The following FRMD4B variants were observed in gnomAD, a reference collection of about 807,000 sequenced individuals.
FRMD4B encodes the protein FERM domain-containing protein 4B.
Under a neutral mutation model 141.5 loss-of-function variants are expected in FRMD4B, and 74 were observed. The ratio of observed to expected loss-of-function variants is 0.52; its 90% CI spans 0.43 to 0.63. The LOEUF (loss-of-function observed/expected upper bound fraction) is 0.63. FRMD4B is among the 30% of genes least tolerant of loss of function. The probability of loss-of-function intolerance (pLI) is 0.00; values close to 1 mark genes in which losing one functional copy is unlikely to be tolerated. For missense variants in FRMD4B, 1,366 were observed against 1,253.4 expected (o/e 1.09, Z -1.36); for synonymous variants, 506 against 467.9 (o/e 1.08, Z -1.05).
chr3:69,538,246 C>T (rs1422585586), intron 1 of FRMD4B, among the ~76,000 whole-genome samples: 1 of 152,160 alleles, frequency 6.6e-6, no homozygotes, highest in Non-Finnish European at 1.5e-5. Context: ...CTAAGCAAGA[C>T]GCTCTTGAAG....
chr3:69,423,435 A>T (rs1705017215), intron 2 of FRMD4B, among the ~76,000 whole-genome samples: 1 of 152,162 alleles, frequency 6.6e-6, no homozygotes, highest in Admixed American at 6.5e-5. Flanking sequence ...CTCTTGTTTC[A>T]GTTCATGTTA....
chr3:69,433,533 C>T (rs912241745), intron 1 of FRMD4B, among the ~76,000 whole-genome samples: 2 of 152,264 alleles, frequency 1.3e-5, no homozygotes, highest in East Asian at 1.9e-4. Flanking sequence ...ACCACCTGCC[C>T]CTCCACTCCC....
intron 1 of FRMD4B, among the ~76,000 whole-genome samples, chr3:69,456,165 C>CCT (rs1705608296): frequency 1.3e-5 from 2 of 152,040 alleles, no homozygotes; most frequent in African/African-American, 4.8e-5. Context: ...GGGCTCCCTA[C>CCT]CTCTTCCTTT....
At chr3:69,325,842 C>T (rs78728909) in intron 1 of FRMD4B, among the ~76,000 whole-genome samples, 47 of 152,282 alleles carry the variant, frequency 3.1e-4, no homozygotes, top group African/African-American at 1.0e-3. Context: ...ACCCTAGTGC[C>T]GTGAGTACTA....
intron 5 of FRMD4B, among the ~76,000 whole-genome samples, chr3:69,260,317 G>C (rs1363285549): frequency 2.0e-5 from 3 of 152,224 alleles, no homozygotes; most frequent in Non-Finnish European, 4.4e-5. Context: ...GCGAGTTGGC[G>C]AGTCAGCACG....
At chr3:69,245,841 T>G (rs952812470) in intron 7 of FRMD4B, among the ~76,000 whole-genome samples, 3 of 143,300 alleles carry the variant, frequency 2.1e-5, no homozygotes, top group African/African-American at 5.2e-5. Context: ...TTTGTTTTTT[T>G]TTTTTTTTTT....
chr3:69,463,881 A>G (rs1237784773), intron 1 of FRMD4B, among the ~76,000 whole-genome samples: 5 of 152,198 alleles, frequency 3.3e-5, no homozygotes, highest in Non-Finnish European at 5.9e-5. Context: ...CAGCTTTGAA[A>G]GGCTATTAGA....
intron 1 of FRMD4B, chr3:69,432,930 C>A (rs545568211): frequency 1.9e-4 from 29 of 152,280 alleles, no homozygotes; most frequent in African/African-American, 7.0e-4. Flanking sequence ...GAATAGAGTT[C>A]TCTCGAAATA....
At chr3:69,373,679 C>T (rs1703889622) in intron 1 of FRMD4B, among the ~76,000 whole-genome samples, 1 of 151,998 alleles carries the variant, frequency 6.6e-6, no homozygotes, top group Non-Finnish European at 1.5e-5. Flanking sequence ...TCAAGACCAG[C>T]CTGGGCAACA....
At chr3:69,457,206 C>T (rs1220565032) in intron 1 of FRMD4B, among the ~76,000 whole-genome samples, 1 of 152,102 alleles carries the variant, frequency 6.6e-6, no homozygotes, top group Non-Finnish European at 1.5e-5. Flanking sequence ...AAAATGTCCA[C>T]AGCAAGCAAA....
chr3:69,408,790 G>A (rs17005849), intron 2 of FRMD4B, among the ~76,000 whole-genome samples: 4,743 of 152,028 alleles, frequency 0.031, 267 homozygotes, highest in African/African-American at 0.11. Flanking sequence ...GCCAGTGGGA[G>A]GAATTTCAAG....
chr3:69,537,244 C>T (rs1414379511), intron 1 of FRMD4B, among the ~76,000 whole-genome samples: 1 of 152,122 alleles, frequency 6.6e-6, no homozygotes, highest in Non-Finnish European at 1.5e-5. Flanking sequence ...TGAACATTGT[C>T]CTCACAGCTG....
intron 1 of FRMD4B, chr3:69,320,853 A>G (rs1246592067): frequency 1.3e-5 from 2 of 152,100 alleles, no homozygotes; most frequent in Non-Finnish European, 2.9e-5. Flanking sequence ...AGGAATTCGA[A>G]GGCAAAAATT....
At chr3:69,256,268 G>A (rs1559756432) in intron 5 of FRMD4B, among the ~76,000 whole-genome samples, 1 of 152,116 alleles carries the variant, frequency 6.6e-6, no homozygotes, top group Non-Finnish European at 1.5e-5. Context: ...TTCTCCTGAG[G>A]ATAGATCTAC....
chr3:69,513,482 G>T (rs1371853890), intron 1 of FRMD4B, among the ~76,000 whole-genome samples: 1 of 152,042 alleles, frequency 6.6e-6, no homozygotes, highest in Non-Finnish European at 1.5e-5. Context: ...ATTTGAAAAA[G>T]AATAACACCA....
At chr3:69,468,331 T>C (rs1705827896) in intron 1 of FRMD4B, among the ~76,000 whole-genome samples, 1 of 152,192 alleles carries the variant, frequency 6.6e-6, no homozygotes, top group African/African-American at 2.4e-5. Context: ...CAGATCCTTT[T>C]ATAGTGTTTT....
chr3:69,407,925 G>T (rs1310178622), intron 2 of FRMD4B, among the ~76,000 whole-genome samples: 3 of 152,110 alleles, frequency 2.0e-5, no homozygotes, highest in Non-Finnish European at 2.9e-5. Context: ...GGCCATGTGG[G>T]GGAAAAAGGA....
At chr3:69,347,245 A>G (rs944680382) in intron 1 of FRMD4B, among the ~76,000 whole-genome samples, 3 of 152,240 alleles carry the variant, frequency 2.0e-5, no homozygotes, top group African/African-American at 7.2e-5. Flanking sequence ...AGGCCATTAC[A>G]TAATGGTAAA....
At chr3:69,502,438 T>A (rs1482055972) in intron 1 of FRMD4B, among the ~76,000 whole-genome samples, 1 of 152,190 alleles carries the variant, frequency 6.6e-6, no homozygotes, top group Non-Finnish European at 1.5e-5. Context: ...GGGAAAGGAT[T>A]CCCTATTTAA....
Sources: allele counts gnomAD v4.1 joint callset (sites outside exome capture counted in the v4.1 genomes callset), GRCh38; gene constraint gnomAD v4.1.1; transcripts MANE v1.5; gene names NCBI Gene and HGNC (gene_info 2026-07-23, HGNC 2026-07-21).